The following MCF2L variants were observed in gnomAD, a reference collection of about 807,000 sequenced individuals.
MCF2L encodes guanine nucleotide exchange factor DBS.
Under a neutral mutation model 153.4 loss-of-function variants are expected in MCF2L, and 97 were observed. The observed-to-expected ratio is 0.63, with a 90% CI of 0.54 to 0.75. The LOEUF (loss-of-function observed/expected upper bound fraction) is 0.75, where lower values mean the gene tolerates loss of function less well. MCF2L is among the 30% of genes least tolerant of loss of function. MCF2L has a pLI of 0.00. For synonymous variants in MCF2L, 659 were observed against 632.2 expected, an observed-to-expected ratio of 1.04 and a Z score of -0.64; for missense variants, 1,347 against 1,495.2, an observed-to-expected ratio of 0.90 and a Z score of 1.64.
rs1410710786 is a variant in MCF2L, at chr13:112,960,640, C to T, written c.170-54123C>T. ...ACTGCAAACACTGGCTAACCACACA[C>T]ATTCATGGTCTATAGCTCTGGAGGC... On this transcript the variant is annotated intron_variant, in intron 2 of 29. Transcript: ENST00000375608. The surrounding 1 kb of genome is among the most constrained non-coding windows in gnomAD (Gnocchi z 4.2). Among the ~76,000 whole-genome samples, 1 of 152,180 alleles carries T rather than the reference C, an allele frequency of 6.6e-6. No individual in the cohort carries two copies. Among genetic ancestry groups the T allele is most frequent in the African/African-American group, 2.4e-5 (1 of 41,438 alleles).
intron 27 of MCF2L, chr13:113,095,372 G>C: frequency 8.8e-7 from 1 of 1,130,772 alleles, no homozygotes; most frequent in Non-Finnish European, 1.1e-6. Context: ...CACAGAGACA[G>C]CATGAAGGAA....
chr13:113,058,681 C>T lies in MCF2L; in HGVS notation c.370-1912C>T, dbSNP rs141792945. Reference sequence around the variant, plus strand: ...ACTGAGTGGGCGCTGTGTGTTTGGGCGCTGAGTGGGCACTGAATGGGCGCT... The same window carrying T: ...ACTGAGTGGGCGCTGTGTGTTTGGGTGCTGAGTGGGCACTGAATGGGCGCT... On this transcript the variant is annotated intron_variant, in intron 4 of 29. Transcript: ENST00000535094. Among the ~76,000 whole-genome samples the T allele has an allele frequency of 3.6e-4, 45 of 126,236 alleles. No homozygotes were observed. In the East Asian group the frequency reaches 5.0e-3, roughly 14 times the overall value. 82.8% of individuals were successfully genotyped at this position (126,236 alleles called of 152,430 possible). A position where few individuals can be genotyped will look rare whatever the true frequency, so the allele number is the denominator to read the frequency against.
intron 2 of MCF2L, among the ~76,000 whole-genome samples, chr13:112,942,168 T>C (rs1354867420): frequency 2.6e-5 from 4 of 152,228 alleles, no homozygotes; most frequent in Non-Finnish European, 4.4e-5. Flanking sequence ...CGTCTCCCTG[T>C]GATGCTGTGC....
intron 2 of MCF2L, among the ~76,000 whole-genome samples, chr13:112,914,010 C>T (rs950082513): frequency 1.1e-4 from 16 of 152,192 alleles, no homozygotes; most frequent in Non-Finnish European, 1.6e-4. Context: ...CGTAATTCCC[C>T]GTTAGCATCC....
At chr13:112,918,919 C>G (rs1247167813) in intron 2 of MCF2L, among the ~76,000 whole-genome samples, 2 of 152,156 alleles carry the variant, frequency 1.3e-5, no homozygotes, top group East Asian at 3.9e-4. Context: ...TCCTCCGTGT[C>G]CCCACCTGTG....
intron 2 of MCF2L, among the ~76,000 whole-genome samples, chr13:113,016,689 C>T (rs2084539694): frequency 6.6e-6 from 1 of 152,158 alleles, no homozygotes; most frequent in Admixed American, 6.5e-5. Context: ...CCCCCTGCCT[C>T]CCGCCAACCT....
At chr13:113,032,102 C>T (rs1052849884) in intron 3 of MCF2L, among the ~76,000 whole-genome samples, 1 of 152,136 alleles carries the variant, frequency 6.6e-6, no homozygotes, top group East Asian at 1.9e-4. Context: ...ATTAGGCTTC[C>T]AGTCAAGAGG....
chr13:112,989,552 T>C (rs189357244), intron 1 of MCF2L, among the ~76,000 whole-genome samples: 360 of 4,178 alleles, frequency 0.086, 80 homozygotes, highest in African/African-American at 0.14. Context: ...GCTACCACAC[T>C]GGAGTCCTCC....
chr13:112,916,866 A>G (rs2081297729), intron 2 of MCF2L, among the ~76,000 whole-genome samples: 1 of 152,124 alleles, frequency 6.6e-6, no homozygotes, highest in African/African-American at 2.4e-5. Context: ...ACCAGTTGGA[A>G]GAGCATCCCT....
At chr13:113,078,502 C>T (rs951872375) in intron 14 of MCF2L, 66 bp downstream of exon 14, 270 of 1,463,886 alleles carry the variant, frequency 1.8e-4, no homozygotes, top group Non-Finnish European at 2.5e-4. Flanking sequence ...GGGCCTGGTT[C>T]TCCGTGTGGC....
chr13:112,905,470 G>A (rs999638095), intron 2 of MCF2L, among the ~76,000 whole-genome samples: 4 of 152,208 alleles, frequency 2.6e-5, no homozygotes, highest in Non-Finnish European at 2.9e-5. Context: ...TTTGTTTACC[G>A]TAACTAGGGG....
At chr13:112,976,671 G>A (rs74336327) in intron 1 of MCF2L, among the ~76,000 whole-genome samples, 6,669 of 152,316 alleles carry the variant, frequency 0.044, 181 homozygotes, top group Non-Finnish European at 0.067. Context: ...CCACCAGACC[G>A]GAGCCACGAC....
chr13:112,937,873 T>G (rs2081532727), intron 2 of MCF2L, among the ~76,000 whole-genome samples: 1 of 152,086 alleles, frequency 6.6e-6, no homozygotes, highest in Non-Finnish European at 1.5e-5. Context: ...GATTGGTTGG[T>G]TCAGGTGAGT....
At chr13:113,005,495 G>C (rs960354021) in intron 1 of MCF2L, among the ~76,000 whole-genome samples, 1 of 151,862 alleles carries the variant, frequency 6.6e-6, no homozygotes, top group Non-Finnish European at 1.5e-5. Context: ...GTTTGTTGTG[G>C]CCATGGTTGG....
At chr13:113,011,377 C>T (rs1275934268) in intron 1 of MCF2L, among the ~76,000 whole-genome samples, 5 of 152,356 alleles carry the variant, frequency 3.3e-5, no homozygotes, top group South Asian at 2.1e-4. Flanking sequence ...AGAGGCACTG[C>T]GGGCTGCCAG....
At chr13:113,096,119 G>T in intron 27 of MCF2L, 2 of 579,296 alleles carry the variant, frequency 3.5e-6, no homozygotes, top group Non-Finnish European at 6.1e-6. Context: ...AGAGCTGTGT[G>T]TGGAGACCAG....
chr13:113,092,944 T>C (rs61966411), intron 26 of MCF2L, among the ~76,000 whole-genome samples: 29,852 of 150,460 alleles, frequency 0.2, 3,165 homozygotes, highest in Middle Eastern at 0.33. Context: ...CAGGCCGGCC[T>C]CGCTGCCCCT....
At chr13:112,961,535 C>T (rs560386016) in intron 2 of MCF2L, among the ~76,000 whole-genome samples, 1 of 152,350 alleles carries the variant, frequency 6.6e-6, no homozygotes, top group South Asian at 2.1e-4. Flanking sequence ...CTGGCCCTGC[C>T]GTTCCCTTCC....
chr13:112,946,689 A>T (rs2081640353), intron 2 of MCF2L, among the ~76,000 whole-genome samples: 1 of 152,236 alleles, frequency 6.6e-6, no homozygotes, highest in Admixed American at 6.5e-5. Flanking sequence ...ATTCAGATAC[A>T]GAACCTGAAT....
Sources: gnomAD v4.1 joint callset for allele counts (sites outside exome capture counted in the v4.1 genomes callset) on GRCh38, gnomAD v4.1.1 for gene constraint, Gnocchi (gnomAD v3.1) non-coding constraint, MANE v1.5 for transcripts, NCBI Gene and HGNC (gene_info 2026-07-23, HGNC 2026-07-21) for gene names.